Variants in FBXO9 observed in about 807,000 individuals in gnomAD.
FBXO9 encodes F-box protein 9, also known as F-box only protein 9.
In FBXO9, 43 loss-of-function variants were observed where a neutral mutation model predicts 63.7. That is an observed-to-expected ratio of 0.67 (90% CI 0.53 to 0.87). FBXO9 has a LOEUF of 0.87. Among genes scored for constraint, FBXO9 ranks in the 40% least tolerant of loss-of-function variants. The pLI is 0.00. For missense variants in FBXO9, 442 were observed against 533.2 expected, an observed-to-expected ratio of 0.83 and a Z score of 1.68; for synonymous variants, 156 against 171.7, an observed-to-expected ratio of 0.91 and a Z score of 0.72.
At chr6:53,066,526 T>G (rs774664855) in intron 1 of FBXO9, among the ~76,000 whole-genome samples, 3 of 152,378 alleles carry the variant, frequency 2.0e-5, no homozygotes, top group East Asian at 1.9e-4. Context: ...TGGCTGGGGC[T>G]TAAAGAATCA....
chr6:53,081,678 T>C (rs1043591926), intron 6 of FBXO9, among the ~76,000 whole-genome samples: 6 of 152,312 alleles, frequency 3.9e-5, no homozygotes, highest in Middle Eastern at 3.4e-3. Context: ...GTCTGAGTTG[T>C]TGAGGTAGCC....
At chr6:53,084,590 T>C (rs534378585) in intron 7 of FBXO9, among the ~76,000 whole-genome samples, 2 of 152,300 alleles carry the variant, frequency 1.3e-5, no homozygotes, top group East Asian at 3.9e-4. Flanking sequence ...CTGGTCATGA[T>C]ATTGTTGTGT....
chr6:53,082,663 T>C, intron 7 of FBXO9, 45 bp downstream of exon 7: 1 of 1,362,270 alleles, frequency 7.3e-7, no homozygotes, highest in Non-Finnish European at 1.0e-6. Flanking sequence ...GAGGCAATGG[T>C]GAAAAGAAAG....
At position 53,065,804 on chromosome 6, in the gene FBXO9, A is replaced by AG. The variant is rs1232903823; in HGVS notation, c.3+17dup. 2.2e-6 allele frequency: 3 copies of AG among 1,351,866 alleles called. No individual in the cohort carries two copies. The highest frequency in any genetic ancestry group is 3.0e-5 in the African/African-American group (2 of 65,586). The allele number at this position is 1,351,866 out of a possible 1,614,324, so 83.7% of individuals were successfully genotyped here. A position where few individuals can be genotyped will look rare whatever the true frequency, so the allele number is the denominator to read the frequency against. ...GCCCCGCCAGCATGGTAACCTGGCCAGGGGGCTCGAGGGTGGACGCCGCGG... is the reference window on the plus strand; with the variant it reads ...GCCCCGCCAGCATGGTAACCTGGCCAGGGGGGCTCGAGGGTGGACGCCGCGG... On this transcript the variant is annotated intron_variant, in intron 1 of 12. Coordinates refer to ENST00000323557, the MANE Select transcript of FBXO9 (RefSeq NM_033480.3).
At position 53,096,692 on chromosome 6, in the gene FBXO9, G is replaced by T. The variant is rs374268299; in HGVS notation, c.1205+1028G>T. Among the ~76,000 whole-genome samples the T allele has an allele frequency of 1.7e-3, 266 of 152,156 alleles. 1 individual carries two copies. The highest frequency in any genetic ancestry group is 6.1e-3 in the African/African-American group (255 of 41,504). ...GGCCAAGGCAAGAGGATCACTTGAG[G>T]CCAAGAGTTTGAGACCAGCCTGGGC... On this transcript the variant is annotated intron_variant, in intron 12 of 12. Transcript: ENST00000323557.
At chr6:53,092,406 G>A in intron 7 of FBXO9, 23 bp from the exon 8 acceptor site, 1 of 1,546,494 alleles carries the variant, frequency 6.5e-7, no homozygotes, top group Non-Finnish European at 8.9e-7. Context: ...AGTTTTTATT[G>A]ACATTGTGCT....
At position 53,082,628 on chromosome 6, in the gene FBXO9, TTTTG is replaced by T; in HGVS notation, c.653+14_653+17del. The T allele has an allele frequency of 1.3e-6, 2 of 1,585,138 alleles. No homozygotes were observed. The highest frequency in any genetic ancestry group is 1.7e-6 in the Non-Finnish European group (2 of 1,160,792). On this transcript the variant is annotated intron_variant, in intron 7 of 12. Transcript: ENST00000323557. ...TCTACATCTGTGCCAGGTACTAAGT[TTTTG>T]TTTTTGTTTTTTAAACAACTGAGGC...
chr6:53,091,142 G>T (rs565422976), intron 7 of FBXO9: 2 of 152,212 alleles, frequency 1.3e-5, no homozygotes, highest in African/African-American at 2.4e-5. Flanking sequence ...CCAGGGAGGG[G>T]TGAACTAGCC....
intron 1 of FBXO9, among the ~76,000 whole-genome samples, chr6:53,068,650 A>ATATG (rs559089988): frequency 2.8e-5 from 2 of 70,696 alleles, no homozygotes; most frequent in Non-Finnish European, 6.4e-5. Flanking sequence ...ATATATATAT[A>ATATG]TGTGTTTTTT....
intron 1 of FBXO9, among the ~76,000 whole-genome samples, chr6:53,068,872 A>C (rs1279734506): frequency 1.3e-5 from 2 of 151,688 alleles, no homozygotes; most frequent in African/African-American, 4.9e-5. Context: ...CTTGTCTCAA[A>C]CTCCTGGGCT....
intron 7 of FBXO9, chr6:53,091,843 C>T (rs1763048668): frequency 6.5e-6 from 1 of 153,314 alleles, no homozygotes; most frequent in African/African-American, 2.4e-5. Flanking sequence ...ACCACTAGAC[C>T]ATATTCTCCA....
At position 53,078,830 on chromosome 6, in the gene FBXO9, T is replaced by G; in HGVS notation, c.339T>G (p.Leu113=). 1 of 1,613,834 alleles carries G rather than the reference T, an allele frequency of 6.2e-7. No homozygotes were observed. Among genetic ancestry groups the G allele is most frequent in the Non-Finnish European group, 8.5e-7 (1 of 1,179,728 alleles). Reference sequence around the variant, plus strand: ...AGTTTTATCGTAGGGCTATGCAACTTGTACCTGATATAGAGTTCAAGATTA... The same window carrying G: ...AGTTTTATCGTAGGGCTATGCAACTGGTACCTGATATAGAGTTCAAGATTA... ...AIKFYRRAMQ[L]VPDIEFKITY... is the part of the protein sequence containing the mutation. The change falls in exon 5 of 13, where the codon CTT becomes CTG. Residue 113 remains leucine, a synonymous_variant. Coordinates refer to ENST00000323557, the MANE Select transcript of FBXO9 (RefSeq NM_033480.3).
At chr6:53,085,476 A>C (rs1212249759) in intron 7 of FBXO9, among the ~76,000 whole-genome samples, 1 of 152,120 alleles carries the variant, frequency 6.6e-6, no homozygotes, top group Non-Finnish European at 1.5e-5. Flanking sequence ...TGATGAGGGA[A>C]TTTAGTTATT....
chr6:53,066,132 G>C, intron 1 of FBXO9: 1 of 1,115,348 alleles, frequency 9.0e-7, no homozygotes, highest in Non-Finnish European at 1.1e-6. Context: ...TTTATCAGAA[G>C]CATTGAGCAT....
At chr6:53,072,220 T>TTA (rs1554184523) in intron 2 of FBXO9, among the ~76,000 whole-genome samples, 13 of 150,788 alleles carry the variant, frequency 8.6e-5, no homozygotes, top group South Asian at 2.1e-4. Flanking sequence ...CGTCTTTTTT[T>TTA]AAAAAAAAAA....
intron 3 of FBXO9, among the ~76,000 whole-genome samples, chr6:53,074,564 T>C (rs999567321): frequency 1.1e-4 from 16 of 152,264 alleles, no homozygotes; most frequent in African/African-American, 3.9e-4. Context: ...GGTAGCTTCA[T>C]GTAACCACCA....
Position 53,085,477 on chromosome 6 carries a change from T to C in FBXO9, c.653+2859T>C, listed in dbSNP as rs561453809. On this transcript the variant is annotated intron_variant, in intron 7 of 12. Transcript: ENST00000323557. ...TGAAAGTTCTCAGTTGATGAGGGAA[T>C]TTAGTTATTTCTAGTACATGTAGCA... Among the ~76,000 whole-genome samples, 33 of 152,252 alleles carry C rather than the reference T, an allele frequency of 2.2e-4. No individual in the cohort carries two copies. In the South Asian group the frequency reaches 3.7e-3, roughly 17 times the overall value.
intron 12 of FBXO9, among the ~76,000 whole-genome samples, chr6:53,097,388 A>G (rs1763240072): frequency 6.6e-6 from 1 of 152,190 alleles, no homozygotes; most frequent in Non-Finnish European, 1.5e-5. Flanking sequence ...CAGACAGTGA[A>G]ATATCATCCT....
chr6:53,087,157 C>T (rs1762911669), intron 7 of FBXO9, among the ~76,000 whole-genome samples: 1 of 151,944 alleles, frequency 6.6e-6, no homozygotes, highest in East Asian at 1.9e-4. Context: ...GCCTGAGCAA[C>T]ATGACGAAAC....
Sources: allele counts gnomAD v4.1 joint callset (sites outside exome capture counted in the v4.1 genomes callset), GRCh38; gene constraint gnomAD v4.1.1; transcripts MANE v1.5; gene names NCBI Gene and HGNC (gene_info 2026-07-23, HGNC 2026-07-21).